Variants in CCDC15 observed in about 807,000 individuals in gnomAD.
CCDC15 encodes the protein coiled-coil domain-containing protein 15.
CCDC15 carries 105 observed loss-of-function variants against 114.5 expected under a neutral mutation model. That is an observed-to-expected ratio of 0.92 (90% CI 0.78 to 1.08). The LOEUF (loss-of-function observed/expected upper bound fraction) is 1.08, where lower values mean the gene tolerates loss of function less well. Among genes scored for constraint, CCDC15 ranks in the 50% least tolerant of loss-of-function variants. CCDC15 has a pLI of 0.00. For synonymous variants in CCDC15, 334 were observed against 377.8 expected (o/e 0.88, Z 1.34); for missense variants, 1,105 against 1,093.6 (o/e 1.01, Z -0.15).
intron 15 of CCDC15, among the ~76,000 whole-genome samples, chr11:125,040,274 TGATCC>T (rs1374201200): frequency 2.8e-5 from 4 of 144,826 alleles, no homozygotes; most frequent in African/African-American, 1.1e-4. Context: ...TGACCTCAAG[TGATCC>T]GCCTGCCTCA....
chr11:124,983,812 G>C (rs374104808), intron 6 of CCDC15, among the ~76,000 whole-genome samples: 6 of 152,154 alleles, frequency 3.9e-5, no homozygotes, highest in Middle Eastern at 6.8e-3. Flanking sequence ...GGTGCCGGCA[G>C]GTGCAGGGGT....
chr11:125,035,169 G>T (rs193102265), intron 13 of CCDC15, among the ~76,000 whole-genome samples: 4 of 152,242 alleles, frequency 2.6e-5, no homozygotes, highest in African/African-American at 4.8e-5. Context: ...CACGCTGGCA[G>T]TTGATAAGAT....
intron 13 of CCDC15, among the ~76,000 whole-genome samples, chr11:125,035,299 A>G (rs1274930518): frequency 6.6e-6 from 1 of 151,998 alleles, no homozygotes; most frequent in Admixed American, 6.6e-5. Flanking sequence ...CCTTCAATTC[A>G]ATCAAGTTGA....
In CCDC15 at chr11:125,040,577, C is replaced by A; in HGVS notation, c.2735-13C>A. The A allele has an allele frequency of 3.1e-6, 5 of 1,596,890 alleles. No homozygotes were observed. The highest frequency in any genetic ancestry group is 4.3e-6 in the Non-Finnish European group (5 of 1,170,906). On this transcript the variant is annotated splice_polypyrimidine_tract_variant and intron_variant, in intron 15 of 15. Coordinates refer to ENST00000344762, the MANE Select transcript of CCDC15 (RefSeq NM_025004.3). The stretch of plus-strand genomic sequence containing the variant: ...TTGACTTTATTCATTGCTGTGCAAA[C>A]CTTTTTTTGCAGCATATACTCGGGC...
At position 124,991,500 on chromosome 11, in the gene CCDC15, G is replaced by A. The variant is rs1406397909; in HGVS notation, c.1948G>A (p.Glu650Lys). 4 of 1,602,550 alleles carry A rather than the reference G, an allele frequency of 2.5e-6. No individual in the cohort carries two copies. The highest frequency in any genetic ancestry group is 1.1e-5 in the South Asian group (1 of 90,284). ...GGAGCCATACTCTGATATGACAGAT[G>A]AGAAAGGGAGAGAAGACTTTTCTCT... ...FKEPYSDMTD[E>K]KGREDFSLAD... Residue 650 changes from glutamate (E) to lysine (K), a missense_variant, in exon 9 of 16, where the codon GAG becomes AAG. Transcript: ENST00000344762.
chr11:124,982,314 A>G (rs1328122964), intron 6 of CCDC15, among the ~76,000 whole-genome samples: 1 of 152,190 alleles, frequency 6.6e-6, no homozygotes, highest in Non-Finnish European at 1.5e-5. Flanking sequence ...TGGTGTGTGC[A>G]GATTTGATCC....
At chr11:124,977,843 A>C (rs1360834685) in intron 6 of CCDC15, among the ~76,000 whole-genome samples, 1 of 152,072 alleles carries the variant, frequency 6.6e-6, no homozygotes, top group Non-Finnish European at 1.5e-5. Context: ...TTTTATTTTT[A>C]ATTTTTTAAT....
chr11:125,019,666 C>T (rs1291014713), intron 13 of CCDC15, among the ~76,000 whole-genome samples: 1 of 151,854 alleles, frequency 6.6e-6, no homozygotes, highest in Non-Finnish European at 1.5e-5. Context: ...GGATAACTCC[C>T]AGATTTATGG....
chr11:124,957,301 C>T (rs1297698301), intron 2 of CCDC15, among the ~76,000 whole-genome samples: 9 of 152,148 alleles, frequency 5.9e-5, no homozygotes, highest in Non-Finnish European at 1.2e-4. Context: ...TAATGTGGCA[C>T]CTGCTGGGCT....
intron 13 of CCDC15, among the ~76,000 whole-genome samples, chr11:125,005,787 G>A (rs185876692): frequency 6.6e-6 from 1 of 152,056 alleles, no homozygotes; most frequent in East Asian, 1.9e-4. Context: ...TTTCCAGAAC[G>A]TCATATAGTT....
At chr11:125,004,679 T>C (rs1458666228) in intron 12 of CCDC15, among the ~76,000 whole-genome samples, 1 of 152,084 alleles carries the variant, frequency 6.6e-6, no homozygotes, top group African/African-American at 2.4e-5. Context: ...ACCTCAGCCC[T>C]TCTACCCTCC....
At chr11:125,000,544 A>G (rs1948462697) in intron 11 of CCDC15, among the ~76,000 whole-genome samples, 3 of 152,228 alleles carry the variant, frequency 2.0e-5, no homozygotes, top group Admixed American at 6.5e-5. Flanking sequence ...GAGAGAGCCC[A>G]TAGTGTGCTT....
At chr11:125,012,023 T>A (rs969280955) in intron 13 of CCDC15, among the ~76,000 whole-genome samples, 4 of 152,222 alleles carry the variant, frequency 2.6e-5, no homozygotes, top group African/African-American at 9.6e-5. Flanking sequence ...TCTAGGTACA[T>A]GCCCTGTAAG....
intron 13 of CCDC15, among the ~76,000 whole-genome samples, chr11:125,030,613 C>T (rs985090806): frequency 6.6e-6 from 1 of 152,200 alleles, no homozygotes; most frequent in African/African-American, 2.4e-5. Flanking sequence ...CAGCCTGCCA[C>T]CAGGTAGATA....
intron 8 of CCDC15, among the ~76,000 whole-genome samples, chr11:124,989,190 A>G (rs1948228224): frequency 6.6e-6 from 1 of 152,270 alleles, no homozygotes; most frequent in African/African-American, 2.4e-5. Flanking sequence ...GTTAGCAGCC[A>G]TGAAAAAACA....
At chr11:124,977,757 T>C (rs1947999190) in intron 6 of CCDC15, among the ~76,000 whole-genome samples, 157 bp downstream of exon 6, 1 of 152,164 alleles carries the variant, frequency 6.6e-6, no homozygotes, top group South Asian at 2.1e-4. Flanking sequence ...CCATTTAAAG[T>C]GTACAATTCA....
At chr11:124,977,744 C>A in intron 6 of CCDC15, 144 bp downstream of exon 6, 1 of 811,600 alleles carries the variant, frequency 1.2e-6, no homozygotes, top group Non-Finnish European at 1.7e-6. Flanking sequence ...CCATACAATT[C>A]ACCCATTTAA....
At chr11:125,004,072 A>G (rs1591604721) in intron 12 of CCDC15, 113 bp downstream of exon 12, 2 of 490,448 alleles carry the variant, frequency 4.1e-6, no homozygotes, top group East Asian at 7.1e-5. Flanking sequence ...TAATACCACA[A>G]ATTTCATAAA....
chr11:125,025,544 G>A (rs1309879882), intron 13 of CCDC15, among the ~76,000 whole-genome samples: 1 of 150,364 alleles, frequency 6.7e-6, no homozygotes, highest in African/African-American at 2.5e-5. Flanking sequence ...GAATCCATCT[G>A]GTTCTAGATT....
Sources: gnomAD v4.1 joint callset for allele counts (sites outside exome capture counted in the v4.1 genomes callset) on GRCh38, gnomAD v4.1.1 for gene constraint, MANE v1.5 for transcripts, NCBI Gene and HGNC (gene_info 2026-07-23, HGNC 2026-07-21) for gene names.